The following KIAA0825 variants were observed in gnomAD, a reference collection of about 807,000 sequenced individuals.
KIAA0825 encodes KIAA0825, also known as uncharacterized protein KIAA0825.
In KIAA0825, 119 loss-of-function variants were observed where a neutral mutation model predicts 147.6. The observed-to-expected ratio is 0.81, with a 90% CI of 0.69 to 0.94. The LOEUF (loss-of-function observed/expected upper bound fraction) is 0.94, where lower values mean the gene tolerates loss of function less well. Ranked by LOEUF, KIAA0825 falls within the 40% of genes least tolerant of loss-of-function variation. The pLI, the probability that KIAA0825 is intolerant of heterozygous loss-of-function variation, is 0.00. For synonymous variants in KIAA0825, 470 were observed against 518.1 expected, an observed-to-expected ratio of 0.91 and a Z score of 1.26; for missense variants, 1,381 against 1,472.7, an observed-to-expected ratio of 0.94 and a Z score of 1.02.
chr5:94,509,628 G>A (rs1766202532), intron 5 of KIAA0825, among the ~76,000 whole-genome samples: 1 of 152,184 alleles, frequency 6.6e-6, no homozygotes, highest in African/African-American at 2.4e-5. Context: ...GACAACATAT[G>A]TCTCTTTGGA....
At chr5:94,449,532 T>C (rs994701616) in intron 13 of KIAA0825, among the ~76,000 whole-genome samples, 1 of 152,044 alleles carries the variant, frequency 6.6e-6, no homozygotes, top group African/African-American at 2.4e-5. Context: ...AACAACACTG[T>C]TACTCCTAAT....
chr5:94,530,298 A>T (rs1481202038), intron 3 of KIAA0825, among the ~76,000 whole-genome samples: 4 of 146,444 alleles, frequency 2.7e-5, no homozygotes, highest in African/African-American at 1.0e-4. Context: ...AAAAAAAAGG[A>T]ATTACTTTTA....
intron 3 of KIAA0825, among the ~76,000 whole-genome samples, chr5:94,525,086 C>G (rs1318797836): frequency 1.3e-5 from 2 of 151,794 alleles, no homozygotes; most frequent in Non-Finnish European, 2.9e-5. Context: ...AGCTTTCAAA[C>G]AGGCAAATTC....
intron 1 of KIAA0825, among the ~76,000 whole-genome samples, chr5:94,596,299 T>C (rs939543009): frequency 1.3e-5 from 2 of 152,230 alleles, no homozygotes; most frequent in African/African-American, 4.8e-5. Context: ...CTTCTGCATA[T>C]GGCTAGCCAG....
At chr5:94,273,461 G>A (rs1777082195) in intron 20 of KIAA0825, among the ~76,000 whole-genome samples, 1 of 152,086 alleles carries the variant, frequency 6.6e-6, no homozygotes, top group Non-Finnish European at 1.5e-5. Context: ...AGGGTATATT[G>A]TTTGGTGCTG....
intron 20 of KIAA0825, among the ~76,000 whole-genome samples, chr5:94,314,886 G>C (rs1205122755): frequency 1.3e-5 from 2 of 151,454 alleles, no homozygotes; most frequent in African/African-American, 2.4e-5. Context: ...TTCAGCTTCT[G>C]TTCTTACATT....
chr5:94,316,414 T>C (rs1332836111), intron 20 of KIAA0825, among the ~76,000 whole-genome samples: 1 of 151,422 alleles, frequency 6.6e-6, no homozygotes, highest in East Asian at 1.9e-4. Flanking sequence ...TATGAAACAC[T>C]GCAGGGGACT....
intron 15 of KIAA0825, chr5:94,415,458 A>T (rs1467920528): frequency 1.3e-5 from 2 of 152,120 alleles, no homozygotes; most frequent in African/African-American, 4.8e-5. Context: ...AGTACCTTGT[A>T]TTATCTTATT....
chr5:94,482,625 T>G (rs1398044990), intron 6 of KIAA0825, among the ~76,000 whole-genome samples: 5 of 152,106 alleles, frequency 3.3e-5, no homozygotes, highest in Non-Finnish European at 7.4e-5. Context: ...ATGCTTTTGA[T>G]AAGAATTGAT....
chr5:94,353,697 C>A (rs1192704619), intron 20 of KIAA0825, among the ~76,000 whole-genome samples: 1 of 151,938 alleles, frequency 6.6e-6, no homozygotes, highest in Non-Finnish European at 1.5e-5. Context: ...ATATATTCTA[C>A]GTGAAATGAG....
intron 13 of KIAA0825, among the ~76,000 whole-genome samples, chr5:94,442,985 TAGC>T (rs1281239809): frequency 1.3e-5 from 2 of 152,136 alleles, no homozygotes; most frequent in Admixed American, 6.6e-5. Context: ...GTGTTTTCCT[TAGC>T]CCTTCAGTCA....
At chr5:94,580,186 A>C (rs1781818616) in intron 2 of KIAA0825, among the ~76,000 whole-genome samples, 1 of 152,138 alleles carries the variant, frequency 6.6e-6, no homozygotes, top group African/African-American at 2.4e-5. Flanking sequence ...AAGAAAGACT[A>C]ATGTTTACCC....
chr5:94,164,415 A>AT (rs35874579), intron 20 of KIAA0825, among the ~76,000 whole-genome samples: 2,252 of 143,144 alleles, frequency 0.016, 33 homozygotes, highest in African/African-American at 0.028. Context: ...CAGTGAACTT[A>AT]TTTTTTTTTT....
chr5:94,571,226 C>A (rs1278478917), intron 2 of KIAA0825, among the ~76,000 whole-genome samples: 1 of 152,114 alleles, frequency 6.6e-6, no homozygotes, highest in Non-Finnish European at 1.5e-5. Flanking sequence ...ATTGATGTTG[C>A]AGTTTGTAAC....
At chr5:94,160,596 T>C (rs553866991) in intron 20 of KIAA0825, among the ~76,000 whole-genome samples, 6 of 148,316 alleles carry the variant, frequency 4.0e-5, no homozygotes, top group African/African-American at 1.5e-4. Flanking sequence ...ATATACTGTA[T>C]GTATGTATAT....
At chr5:94,453,204 G>C (rs972194194) in intron 12 of KIAA0825, 135 bp from the exon 13 acceptor site, 20 of 586,846 alleles carry the variant, frequency 3.4e-5, no homozygotes, top group South Asian at 1.8e-4. Flanking sequence ...ACAGAGTCTT[G>C]CTCTGTCGCC....
At chr5:94,203,787 C>T (rs1393993585) in intron 20 of KIAA0825, among the ~76,000 whole-genome samples, 1 of 152,242 alleles carries the variant, frequency 6.6e-6, no homozygotes, top group Non-Finnish European at 1.5e-5. Flanking sequence ...TAACAAACTT[C>T]TGTAACTGCT....
At chr5:94,239,841 C>T (rs1775258285) in intron 20 of KIAA0825, among the ~76,000 whole-genome samples, 1 of 152,126 alleles carries the variant, frequency 6.6e-6, no homozygotes, top group Non-Finnish European at 1.5e-5. Flanking sequence ...TTAAAATCAT[C>T]TTGAAGCTTG....
intron 20 of KIAA0825, among the ~76,000 whole-genome samples, chr5:94,312,638 C>T (rs985454074): frequency 2.0e-5 from 3 of 151,706 alleles, no homozygotes; most frequent in South Asian, 4.1e-4. Flanking sequence ...CACACAATTA[C>T]AGTCATCGGC....
Sources: gnomAD v4.1 joint callset for allele counts (sites outside exome capture counted in the v4.1 genomes callset) on GRCh38, gnomAD v4.1.1 for gene constraint, MANE v1.5 for transcripts, NCBI Gene and HGNC (gene_info 2026-07-23, HGNC 2026-07-21) for gene names.